The following PNPLA6 variants were observed in gnomAD, a reference collection of about 807,000 sequenced individuals.
PNPLA6 encodes patatin like domain 6, lysophospholipase.
Under a neutral mutation model 153.7 loss-of-function variants are expected in PNPLA6, and 105 were observed. The observed-to-expected ratio is 0.68, with a 90% CI of 0.58 to 0.80. PNPLA6 has a LOEUF of 0.80. Among genes scored for constraint, PNPLA6 ranks in the 30% least tolerant of loss-of-function variants. The pLI, the probability that PNPLA6 is intolerant of heterozygous loss-of-function variation, is 0.00. For missense variants in PNPLA6, 1,423 were observed against 1,919.3 expected (o/e 0.74, Z 4.83); for synonymous variants, 825 against 822.2 (o/e 1.00, Z -0.06).
In PNPLA6 at chr19:7,556,718, A is replaced by C; in HGVS notation, c.3274A>C (p.Lys1092Gln). 6.2e-7 allele frequency: 1 copy of C among 1,612,500 alleles called. No individual in the cohort carries two copies. Among genetic ancestry groups the C allele is most frequent in the South Asian group, 1.1e-5 (1 of 91,034 alleles). Residue 1092 changes from lysine (K) to glutamine (Q), a missense_variant, in exon 26 of 32, where the codon AAA becomes CAA. Lys to Gln is a moderately conservative substitution (Grantham distance 53, BLOSUM62 1). This residue lies in a region of PNPLA6 where 643 missense variants were observed against 835.2 expected (regional missense o/e 0.77). Transcript: ENST00000600737. ...DITASAMRVHKDGSLWRYVRA... is the reference protein window; with the variant it reads ...DITASAMRVHQDGSLWRYVRA... ...CACCGCCTCAGCCATGCGAGTCCACAAAGATGGTGGGTGTCCCCGCCCAGC... is the reference window on the plus strand; with the variant it reads ...CACCGCCTCAGCCATGCGAGTCCACCAAGATGGTGGGTGTCCCCGCCCAGC...
intron 13 of PNPLA6, among the ~76,000 whole-genome samples, chr19:7,544,750 G>T (rs1029771523): frequency 1.3e-5 from 2 of 152,150 alleles, no homozygotes; most frequent in African/African-American, 4.8e-5. Flanking sequence ...ACTTGACCCA[G>T]TGACTCTGCT....
chr19:7,543,199 G>C (rs899638558), intron 13 of PNPLA6, 115 bp downstream of exon 13: 2 of 925,522 alleles, frequency 2.2e-6, no homozygotes, highest in African/African-American at 3.3e-5. Context: ...CATAGAAGCA[G>C]ACCTCTCTCA....
Position 7,555,834 on chromosome 19 carries a change from T to C in PNPLA6, c.3093+71T>C. 6.5e-7 allele frequency: 1 copy of C among 1,530,302 alleles called. No individual in the cohort carries two copies. The allele number at this position is 1,530,302 out of a possible 1,614,324, so 94.8% of individuals were successfully genotyped here. A position where few individuals can be genotyped will look rare whatever the true frequency, so the allele number is the denominator to read the frequency against. Reference sequence around the variant, plus strand: ...AACCCGTGGTTCCAACCTAACCTGATCCCATGGGGGAGCCTCCGGGGTCAG... The same window carrying C: ...AACCCGTGGTTCCAACCTAACCTGACCCCATGGGGGAGCCTCCGGGGTCAG... On this transcript the variant is annotated intron_variant, in intron 24 of 31. Coordinates refer to ENST00000600737, the MANE Select transcript of PNPLA6 (RefSeq NM_001166114.2). This position sits in a 1 kb window ranked among gnomAD's most constrained non-coding sequence, Gnocchi z 6.3.
At chr19:7,557,438 T>C in intron 27 of PNPLA6, 154 bp downstream of exon 27, 1 of 687,046 alleles carries the variant, frequency 1.5e-6, no homozygotes, top group Non-Finnish European at 2.7e-6. Context: ...ATACGATCAC[T>C]TGCACAAAAT....
chr19:7,553,727 T>G, intron 18 of PNPLA6, 148 bp from the exon 19 acceptor site: 2 of 943,552 alleles, frequency 2.1e-6, no homozygotes, highest in South Asian at 2.8e-5. Context: ...TATGGTAGAG[T>G]CAAGACTTTG....
upstream of PNPLA6, chr19:7,534,973 G>C (rs773544193): frequency 6.2e-6 from 1 of 160,104 alleles, no homozygotes; most frequent in Non-Finnish European, 1.4e-5. Context: ...GGTCTTCCCC[G>C]GGGCAGGCTT....
In PNPLA6 at chr19:7,561,515, C is replaced by T. The variant is rs370033046; in HGVS notation, c.4051C>T (p.Arg1351Ter). Residue 1351 changes from arginine to a stop codon, truncating the protein, a stop_gained, in exon 32 of 32, where the codon CGA (arginine) becomes TGA (stop). Coordinates refer to ENST00000600737, the MANE Select transcript of PNPLA6 (RefSeq NM_001166114.2). LOFTEE classifies it low-confidence loss of function (END_TRUNC). ...MEEEKSILRQ[R>*]RCLPQEPPGS... ...GGAGGAGAAGTCGATTCTCCGGCAA[C>T]GACGCTGTCTGCCCCAGGAGCCGCC... 86 of 1,609,106 alleles carry T rather than the reference C, an allele frequency of 5.3e-5. No individual in the cohort carries two copies. The highest frequency in any genetic ancestry group is 3.6e-4 in the Middle Eastern group (2 of 5,522).
At chr19:7,554,130 G>T in intron 19 of PNPLA6, 79 bp from the exon 20 acceptor site, 1 of 1,572,306 alleles carries the variant, frequency 6.4e-7, no homozygotes, top group African/African-American at 1.3e-5. Context: ...CAGGGGCGGG[G>T]TAATGGGTAT....
At position 7,561,651 on chromosome 19, in the gene PNPLA6, C is replaced by T. The variant is rs765333636; in HGVS notation, c.*89C>T. 2.7e-4 allele frequency: 244 copies of T among 908,470 alleles called. No individual in the cohort carries two copies. The highest frequency in any genetic ancestry group is 3.9e-4 in the Non-Finnish European group (226 of 573,292). 56.3% of individuals were successfully genotyped at this position (908,470 alleles called of 1,614,324 possible). A position where few individuals can be genotyped will look rare whatever the true frequency, so the allele number is the denominator to read the frequency against. ...GGGTAGCTCACTCCCCCTCCTGCTG[C>T]TATGCCTGTGACCCCCGCGGCCCAC... On this transcript the variant is annotated 3_prime_UTR_variant, in exon 32 of 32. Coordinates refer to ENST00000600737, the MANE Select transcript of PNPLA6 (RefSeq NM_001166114.2).
intron 20 of PNPLA6, 21 bp downstream of exon 20, chr19:7,554,293 T>C: frequency 6.3e-7 from 1 of 1,597,926 alleles, no homozygotes; most frequent in South Asian, 1.1e-5. Context: ...CAGAAGGGAG[T>C]GGGGAGGGTG....
In PNPLA6 at chr19:7,556,762, C is replaced by T. The variant is rs489056; in HGVS notation, c.3280+38C>T. The T allele has an allele frequency of 0.55, 808,411 of 1,458,910 alleles. 232,214 individuals carry two copies. Among genetic ancestry groups the T allele is most frequent in the Non-Finnish European group, 0.6 (619,093 of 1,039,176 alleles). 90.4% of individuals were successfully genotyped at this position (1,458,910 alleles called of 1,614,324 possible). ...GCCCAGCCTGCAGCAACCGCTGACG[C>T]CACGTGGGGTTGGGGGGATGCTTCC... On this transcript the variant is annotated intron_variant, in intron 26 of 31. Transcript: ENST00000600737.
chr19:7,560,680 T>C lies in PNPLA6; in HGVS notation c.3732T>C (p.Phe1244=), dbSNP rs967628708. ...GCTACCAGTACGGGAAGGCGGTGTT[T>C]GGAGGCTGGAGCCGTGGCAACGTCA... is the stretch of plus-strand genomic sequence containing the variant. ...DVGYQYGKAV[F]GGWSRGNVIE... Residue 1244 remains phenylalanine, a synonymous_variant, in exon 29 of 32, where the codon TTT becomes TTC. Transcript: ENST00000600737. 1.5e-5 allele frequency: 25 copies of C among 1,613,768 alleles called. No individual in the cohort carries two copies. Among genetic ancestry groups the C allele is most frequent in the Non-Finnish European group, 1.9e-5 (23 of 1,179,836 alleles).
Position 7,535,727 on chromosome 19 carries a change from C to A in PNPLA6, c.-62C>A. The A allele has an allele frequency of 1.3e-6, 2 of 1,518,870 alleles. No individual in the cohort carries two copies. Among genetic ancestry groups the A allele is most frequent in the East Asian group, 2.5e-5 (1 of 40,518 alleles). 94.1% of individuals were successfully genotyped at this position (1,518,870 alleles called of 1,614,324 possible). A position where few individuals can be genotyped will look rare whatever the true frequency, so the allele number is the denominator to read the frequency against. ...TACGTTTCCCGGCATGCACTGCGGG[C>A]CGCCGGGCCTCAGGGAAGAGTCGCG... On this transcript the variant is annotated 5_prime_UTR_variant, in exon 1 of 32. Coordinates refer to ENST00000600737, the MANE Select transcript of PNPLA6 (RefSeq NM_001166114.2). The surrounding 1 kb of genome is among the most constrained non-coding windows in gnomAD (Gnocchi z 5.0).
intron 26 of PNPLA6, 176 bp downstream of exon 26, chr19:7,556,900 C>T (rs576609057): frequency 1.7e-5 from 12 of 695,616 alleles, no homozygotes; most frequent in Admixed American, 6.1e-5. Flanking sequence ...CAGGTACGTC[C>T]GTCCTTGGGG....
chr19:7,556,308 CCGCCTTGGCCTCCA>C, intron 24 of PNPLA6, 131 bp from the exon 25 acceptor site: 1 of 751,636 alleles, frequency 1.3e-6, no homozygotes, highest in Non-Finnish European at 2.4e-6. Flanking sequence ...AGTGATCTGC[CCGCCTTGGCCTCCA>C]AAGTGCTGGG....
At position 7,554,265 on chromosome 19, in the gene PNPLA6, C is replaced by T. The variant is rs1401535986; in HGVS notation, c.2458C>T (p.Leu820=). ...IIRARLGASA[L]DSIQEFRLSG... ...CCGGGCACGCCTGGGGGCCTCCGCA[C>T]TGGATAGGTGTGTGTTGCAGAAGGG... The change falls in exon 20 of 32, where the codon CTG becomes TTG. Residue 820 remains leucine, a synonymous_variant. Transcript: ENST00000600737. 6.2e-7 allele frequency: 1 copy of T among 1,613,328 alleles called. No individual in the cohort carries two copies. Among genetic ancestry groups the T allele is most frequent in the Non-Finnish European group, 8.5e-7 (1 of 1,179,458 alleles).
rs1271225081 is a variant in PNPLA6, at chr19:7,555,748, C to G, written c.3078C>G (p.Ala1026=). ...GCGCCAGCCGCACGAAGCAGCGGGCCCGGGAGTGGGCCAAGGTGTGTGTTG... is the reference window on the plus strand; with the variant it reads ...GCGCCAGCCGCACGAAGCAGCGGGCGCGGGAGTGGGCCAAGGTGTGTGTTG... ...ERSASRTKQR[A]REWAKSMTSV... is the part of the protein sequence containing the mutation. Residue 1026 remains alanine, a synonymous_variant, in exon 24 of 32, where the codon GCC becomes GCG. Coordinates refer to ENST00000600737, the MANE Select transcript of PNPLA6 (RefSeq NM_001166114.2). The surrounding 1 kb of genome is among the most constrained non-coding windows in gnomAD (Gnocchi z 6.3). The G allele has an allele frequency of 1.9e-6, 3 of 1,613,558 alleles. No homozygotes were observed. In the African/African-American group the frequency reaches 4.0e-5, roughly 22 times the overall value.
At chr19:7,539,733 G>A (rs572268101) in intron 3 of PNPLA6, among the ~76,000 whole-genome samples, 185 bp from the exon 4 acceptor site, 1 of 148,396 alleles carries the variant, frequency 6.7e-6, no homozygotes, top group African/African-American at 2.5e-5. Context: ...CTCCAGCCTG[G>A]GAAACAAGAG....
At chr19:7,545,909 CAAAAA>C (rs554820974) in intron 13 of PNPLA6, among the ~76,000 whole-genome samples, 1 of 100,532 alleles carries the variant, frequency 9.9e-6, no homozygotes, top group Non-Finnish European at 1.9e-5. Context: ...GACCCTGTCT[CAAAAA>C]AAAAAAAAAA....
Sources: allele counts gnomAD v4.1 joint callset (sites outside exome capture counted in the v4.1 genomes callset), GRCh38; gene constraint gnomAD v4.1.1; regional missense constraint gnomAD v4.1.1; non-coding constraint Gnocchi (gnomAD v3.1); transcripts MANE v1.5; gene names NCBI Gene and HGNC (gene_info 2026-07-23, HGNC 2026-07-21).